Variants in RALGAPA1 observed in about 807,000 individuals in gnomAD.
The protein encoded by RALGAPA1 is Ral GTPase activating protein catalytic subunit alpha 1, also known as ral GTPase-activating protein subunit alpha-1.
RALGAPA1 carries 52 observed loss-of-function variants against 269.6 expected under a neutral mutation model. The ratio of observed to expected loss-of-function variants is 0.19; its 90% CI spans 0.15 to 0.24. The LOEUF is 0.24. Ranked by LOEUF, RALGAPA1 falls within the 10% of genes least tolerant of loss-of-function variation. The pLI, the probability that RALGAPA1 is intolerant of heterozygous loss-of-function variation, is 1.00. For missense variants in RALGAPA1, 1,917 were observed against 3,013.9 expected (o/e 0.64, Z 8.52); for synonymous variants, 817 against 1,008.3 (o/e 0.81, Z 3.60).
Position 35,688,582 on chromosome 14 carries a change from C to A in RALGAPA1, c.3829G>T (p.Val1277Leu), listed in dbSNP as rs1189861562. 2.0e-6 allele frequency: 3 copies of A among 1,535,894 alleles called. No individual in the cohort carries two copies. Among genetic ancestry groups the A allele is most frequent in the African/African-American group, 2.7e-5 (2 of 73,036 alleles). The change falls in exon 18 of 42, where the codon GTA (valine) becomes TTA (leucine). Residue 1277 changes from valine to leucine, a missense_variant. By Grantham distance (32) the Val-to-Leu change is conservative (BLOSUM62 1). Coordinates refer to ENST00000680220, the MANE Select transcript of RALGAPA1 (RefSeq NM_001346249.2). Reference protein sequence around the residue: ...GSLGGVYKTVVHALSKPKANV... With the variant: ...GSLGGVYKTVLHALSKPKANV... Reference sequence around the variant, plus strand: ...GCCTTCGGCTTCGAAAGAGCATGTACAACAGTTTTATAAACGCCACCCAGG... The same window carrying A: ...GCCTTCGGCTTCGAAAGAGCATGTAAAACAGTTTTATAAACGCCACCCAGG...
chr14:35,657,691 T>TA (rs1200577635), intron 28 of RALGAPA1, among the ~76,000 whole-genome samples: 4,770 of 134,186 alleles, frequency 0.036, 123 homozygotes, highest in African/African-American at 0.062. Context: ...ATATATATAT[T>TA]TTTTTTTTTT....
intron 1 of RALGAPA1, among the ~76,000 whole-genome samples, chr14:35,804,268 A>AAACC (rs1220302725): frequency 3.3e-5 from 5 of 151,068 alleles, no homozygotes; most frequent in African/African-American, 1.2e-4. Flanking sequence ...TCTCAAAAAC[A>AAACC]AACAAAAAAT....
chr14:35,752,748 G>C (rs1335487476), intron 7 of RALGAPA1, among the ~76,000 whole-genome samples: 1 of 152,148 alleles, frequency 6.6e-6, no homozygotes, highest in African/African-American at 2.4e-5. Context: ...CAAAGGCCCA[G>C]AGTGGGGTAC....
intron 6 of RALGAPA1, 89 bp from the exon 7 acceptor site, chr14:35,756,997 G>A: frequency 8.7e-7 from 1 of 1,155,902 alleles, no homozygotes; most frequent in Non-Finnish European, 1.1e-6. Flanking sequence ...TGCAAAATGA[G>A]TATGCAATGA....
At chr14:35,758,354 A>G (rs1372943913) in intron 6 of RALGAPA1, among the ~76,000 whole-genome samples, 1 of 151,920 alleles carries the variant, frequency 6.6e-6, no homozygotes, top group African/African-American at 2.4e-5. Context: ...ACAGAAGAAC[A>G]CACTTTATGA....
chr14:35,671,539 A>G (rs532783129), intron 25 of RALGAPA1, 22 bp from the exon 26 acceptor site: 1 of 1,352,690 alleles, frequency 7.4e-7, no homozygotes, highest in Non-Finnish European at 1.1e-6. Context: ...GAAAGAAGGA[A>G]AAAAGAATAT....
At chr14:35,667,471 C>G (rs562417503) in intron 26 of RALGAPA1, among the ~76,000 whole-genome samples, 2 of 152,288 alleles carry the variant, frequency 1.3e-5, no homozygotes, top group South Asian at 2.1e-4. Context: ...GCATTCAAGG[C>G]CTTTCCAAAA....
intron 13 of RALGAPA1, among the ~76,000 whole-genome samples, chr14:35,727,310 CATATATATATATATATATATATATAT>C (rs34288628): frequency 2.9e-5 from 3 of 104,476 alleles, no homozygotes; most frequent in South Asian, 3.4e-4. Context: ...AAAATTATGG[CATATATATATATATATATATATATAT>C]ATATATATAT....
At chr14:35,569,654 C>T (rs1366995616) in intron 39 of RALGAPA1, among the ~76,000 whole-genome samples, 2 of 152,002 alleles carry the variant, frequency 1.3e-5, no homozygotes, top group African/African-American at 4.8e-5. Context: ...TTATGTTGTT[C>T]CCTCTGCTTG....
At chr14:35,663,587 ATT>A (rs371523411) in intron 27 of RALGAPA1, among the ~76,000 whole-genome samples, 17 of 132,244 alleles carry the variant, frequency 1.3e-4, no homozygotes, top group Non-Finnish European at 1.3e-4. Flanking sequence ...ACCCTTGGGA[ATT>A]TTTTTTTTTT....
intron 21 of RALGAPA1, among the ~76,000 whole-genome samples, chr14:35,678,448 T>C (rs1054647722): frequency 2.0e-5 from 3 of 152,166 alleles, no homozygotes; most frequent in African/African-American, 4.8e-5. Flanking sequence ...CTTGGGGCAA[T>C]TTAAGAACTG....
At chr14:35,758,517 C>A (rs2073399395) in intron 6 of RALGAPA1, among the ~76,000 whole-genome samples, 1 of 151,928 alleles carries the variant, frequency 6.6e-6, no homozygotes, top group Admixed American at 6.6e-5. Flanking sequence ...AGAGAAGGGG[C>A]AGAAGTCAGT....
intron 39 of RALGAPA1, among the ~76,000 whole-genome samples, chr14:35,567,575 C>T (rs986647290): frequency 6.6e-6 from 1 of 152,034 alleles, no homozygotes; most frequent in Non-Finnish European, 1.5e-5. Flanking sequence ...TTAATGCTTT[C>T]TAACTGCAAA....
intron 11 of RALGAPA1, among the ~76,000 whole-genome samples, chr14:35,740,547 T>C (rs2071448556): frequency 6.6e-6 from 1 of 152,226 alleles, no homozygotes; most frequent in Non-Finnish European, 1.5e-5. Context: ...GGCTCCCGCC[T>C]GTCATCCCCA....
intron 7 of RALGAPA1, among the ~76,000 whole-genome samples, chr14:35,755,546 C>T (rs1260598864): frequency 6.8e-6 from 1 of 147,808 alleles, no homozygotes; most frequent in Non-Finnish European, 1.5e-5. Flanking sequence ...TCTTTAAAAT[C>T]TATATGAAGT....
intron 31 of RALGAPA1, among the ~76,000 whole-genome samples, chr14:35,645,391 A>ATGTGTGTG (rs1566909282): frequency 8.8e-6 from 1 of 113,292 alleles, no homozygotes; most frequent in Non-Finnish European, 1.8e-5. Flanking sequence ...GTGTGTGTGT[A>ATGTGTGTG]TATGTTATGT....
At chr14:35,577,178 G>A (rs969467626) in intron 37 of RALGAPA1, among the ~76,000 whole-genome samples, 2 of 152,126 alleles carry the variant, frequency 1.3e-5, no homozygotes, top group Admixed American at 1.3e-4. Context: ...GCTCACGAAT[G>A]TTGGTTAATT....
chr14:35,542,370 T>C (rs895530737), intron 41 of RALGAPA1: 12 of 164,134 alleles, frequency 7.3e-5, no homozygotes, highest in African/African-American at 1.2e-4. Context: ...TCAGAGAGCA[T>C]TGCTCTACAT....
At chr14:35,704,206 T>C (rs2067600469) in intron 16 of RALGAPA1, among the ~76,000 whole-genome samples, 1 of 152,106 alleles carries the variant, frequency 6.6e-6, no homozygotes, top group African/African-American at 2.4e-5. Context: ...ATATATATGC[T>C]CCAAAAGTTG....
Sources: allele counts gnomAD v4.1 joint callset (sites outside exome capture counted in the v4.1 genomes callset), GRCh38; gene constraint gnomAD v4.1.1; transcripts MANE v1.5; gene names NCBI Gene and HGNC (gene_info 2026-07-23, HGNC 2026-07-21).